The following KCNT2 variants were observed in gnomAD, a reference collection of about 807,000 sequenced individuals.
The protein encoded by KCNT2 is potassium channel subfamily T member 2.
A neutral mutation model predicts 153.8 loss-of-function variants in KCNT2; 67 were observed. The ratio of observed to expected loss-of-function variants is 0.44; its 90% confidence interval spans 0.36 to 0.53. The LOEUF (loss-of-function observed/expected upper bound fraction) is 0.53. Ranked by LOEUF, KCNT2 falls within the 20% of genes least tolerant of loss-of-function variation. The pLI is 0.00. For missense variants in KCNT2, 975 were observed against 1,354.8 expected (o/e 0.72, Z 4.40); for synonymous variants, 500 against 458.8 (o/e 1.09, Z -1.15).
intron 11 of KCNT2, among the ~76,000 whole-genome samples, chr1:196,424,483 C>G (rs1027678221): frequency 1.3e-5 from 2 of 151,722 alleles, no homozygotes; most frequent in African/African-American, 2.4e-5. Flanking sequence ...GTATAGATAG[C>G]AAACAGTAAA....
chr1:196,305,112 A>G (rs1661509143), intron 22 of KCNT2, 122 bp downstream of exon 22: 1 of 649,516 alleles, frequency 1.5e-6, no homozygotes, highest in Admixed American at 2.8e-5. Context: ...TCATCTCCCA[A>G]ATAAAAATTC....
Position 196,292,778 on chromosome 1 carries a change from C to A in KCNT2, c.2596-7020G>T, listed in dbSNP as rs150221812. ...AGCGAGTGGAGATTGCGCCACTGCA[C>A]TCCAGCCTGGGCGACAGAGTGAGAC... is the stretch of plus-strand genomic sequence containing the variant. On this transcript the variant is annotated intron_variant, in intron 22 of 27. Transcript: ENST00000294725. 5.2e-3 allele frequency among the ~76,000 whole-genome samples: 703 copies of A among 136,210 alleles called. 2 individuals carry two copies. Among genetic ancestry groups the A allele is most frequent in the African/African-American group, 0.018 (656 of 36,818 alleles). The allele number at this position is 136,210 out of a possible 152,430, so 89.4% of individuals were successfully genotyped here.
At chr1:196,342,588 C>T (rs1665775702) in intron 14 of KCNT2, among the ~76,000 whole-genome samples, 2 of 151,288 alleles carry the variant, frequency 1.3e-5, no homozygotes, top group Admixed American at 6.6e-5. Flanking sequence ...CATATCCTAT[C>T]ATGTATATCT....
intron 25 of KCNT2, among the ~76,000 whole-genome samples, chr1:196,260,387 A>T (rs941338815): frequency 5.3e-5 from 8 of 151,904 alleles, no homozygotes; most frequent in African/African-American, 1.9e-4. Flanking sequence ...CATGTGTATC[A>T]GGCATCATGT....
chr1:196,601,043 A>C (rs1199079003), intron 1 of KCNT2, among the ~76,000 whole-genome samples: 1 of 152,196 alleles, frequency 6.6e-6, no homozygotes, highest in African/African-American at 2.4e-5. Context: ...AGCCACATGT[A>C]AAGCCTAGTT....
intron 13 of KCNT2, among the ~76,000 whole-genome samples, chr1:196,394,876 C>G (rs1045694284): frequency 6.6e-6 from 1 of 151,348 alleles, no homozygotes. Context: ...TATGTTTGTA[C>G]CTAAATGACA....
intron 26 of KCNT2, among the ~76,000 whole-genome samples, chr1:196,241,739 C>T (rs1237400301): frequency 2.6e-5 from 4 of 152,068 alleles, no homozygotes. Flanking sequence ...CCATGAGCCA[C>T]TCCATCACTT....
At chr1:196,493,986 C>T (rs1361400) in intron 1 of KCNT2, among the ~76,000 whole-genome samples, 2,617 of 152,244 alleles carry the variant, frequency 0.017, 79 homozygotes, top group African/African-American at 0.059. Flanking sequence ...TCTAAAGAAG[C>T]CACTAAAATG....
chr1:196,419,298 G>A (rs1372393537), intron 12 of KCNT2, among the ~76,000 whole-genome samples: 1 of 144,490 alleles, frequency 6.9e-6, no homozygotes, highest in Admixed American at 6.9e-5. Flanking sequence ...TTAGCATTAG[G>A]TATATCTCCT....
intron 5 of KCNT2, among the ~76,000 whole-genome samples, chr1:196,471,290 T>C (rs76785758): frequency 1.3e-3 from 196 of 152,288 alleles, no homozygotes; most frequent in African/African-American, 4.3e-3. Context: ...AGATGTCATC[T>C]GATTAGCATG....
intron 1 of KCNT2, among the ~76,000 whole-genome samples, chr1:196,558,380 C>CGTGT (rs142132505): frequency 0.27 from 39,279 of 147,204 alleles, 5,505 homozygotes; most frequent in Admixed American, 0.37. Context: ...TCTAAAATAA[C>CGTGT]GTGTGTGTGT....
rs115107536 is a variant in KCNT2, at chr1:196,269,471, C to T, written c.2911-10977G>A. 1.2e-3 allele frequency among the ~76,000 whole-genome samples: 187 copies of T among 152,180 alleles called. 1 individual carries two copies. The highest frequency in any genetic ancestry group is 4.2e-3 in the African/African-American group (175 of 41,534). On this transcript the variant is annotated intron_variant, in intron 25 of 27. Transcript: ENST00000294725. Reference sequence around the variant, plus strand: ...TATAGTCCAGAAGTTTAGAGGTAAGCTCCCAATTTCAAGTTTTATATCTCA... The same window carrying T: ...TATAGTCCAGAAGTTTAGAGGTAAGTTCCCAATTTCAAGTTTTATATCTCA...
At chr1:196,316,064 T>C (rs1662685107) in intron 20 of KCNT2, 38 bp from the exon 21 acceptor site, 2 of 1,584,224 alleles carry the variant, frequency 1.3e-6, no homozygotes, top group African/African-American at 1.3e-5. Flanking sequence ...AAACATTAAA[T>C]AAATCACAAT....
intron 27 of KCNT2, among the ~76,000 whole-genome samples, chr1:196,230,279 T>C (rs1653835729): frequency 6.6e-6 from 1 of 152,036 alleles, no homozygotes; most frequent in African/African-American, 2.4e-5. Context: ...CTGCTAAATC[T>C]GCTCTGCCTA....
intron 13 of KCNT2, among the ~76,000 whole-genome samples, chr1:196,374,207 C>T (rs545464846): frequency 1.3e-5 from 2 of 151,794 alleles, no homozygotes; most frequent in Admixed American, 6.6e-5. Context: ...AAAAGTAGCA[C>T]TTTTAGCAAA....
At chr1:196,576,561 C>T (rs1299850735) in intron 1 of KCNT2, among the ~76,000 whole-genome samples, 4 of 151,704 alleles carry the variant, frequency 2.6e-5, no homozygotes, top group African/African-American at 9.7e-5. Context: ...TGTAAGTTCT[C>T]TTAACTAAAG....
rs528966853 is a variant in KCNT2, at chr1:196,362,110, A to G, written c.1403+11030T>C. On this transcript the variant is annotated intron_variant, in intron 14 of 27. Transcript: ENST00000294725. ...ATAGTTCATTTGAGCATGCTCCCCC[A>G]CTTTTTTTGTTTGTTTGTTCTTGCT... 3.9e-5 allele frequency among the ~76,000 whole-genome samples: 6 copies of G among 151,990 alleles called. No individual in the cohort carries two copies. The South Asian group carries it at 1.2e-3, about 32-fold the overall frequency.
intron 22 of KCNT2, among the ~76,000 whole-genome samples, chr1:196,290,025 G>T (rs1211991875): frequency 6.6e-6 from 1 of 151,626 alleles, no homozygotes; most frequent in African/African-American, 2.4e-5. Context: ...TTTAATCTGT[G>T]TCCATCAATA....
intron 13 of KCNT2, among the ~76,000 whole-genome samples, chr1:196,380,932 C>T (rs1252520749): frequency 6.6e-6 from 1 of 152,124 alleles, no homozygotes; most frequent in Non-Finnish European, 1.5e-5. Flanking sequence ...ACGTCAGAAA[C>T]TTTGCCAATT....
Sources: allele counts gnomAD v4.1 joint callset (sites outside exome capture counted in the v4.1 genomes callset), GRCh38; gene constraint gnomAD v4.1.1; transcripts MANE v1.5; gene names NCBI Gene and HGNC (gene_info 2026-07-23, HGNC 2026-07-21).